IDUA: variants seen among roughly 807,000 people sequenced by gnomAD.
IDUA encodes the protein iduronidase alpha-L-.
IDUA carries 65 observed loss-of-function variants against 68.9 expected under a neutral mutation model. The ratio of observed to expected loss-of-function variants is 0.94; its 90% CI spans 0.77 to 1.16. The LOEUF is 1.16. IDUA is among the 50% of genes most tolerant of loss of function. The pLI is 0.00. For synonymous variants in IDUA, 529 were observed against 433.6 expected (o/e 1.22, Z -2.73); for missense variants, 1,046 against 938.0 (o/e 1.12, Z -1.50).
intron 2 of IDUA, chr4:989,998 C>A: frequency 6.4e-7 from 1 of 1,567,542 alleles, no homozygotes; most frequent in Non-Finnish European, 8.6e-7. Context: ...CGAGCCAAAG[C>A]GCTTGTGGAG....
intron 2 of IDUA, chr4:991,373 T>G: frequency 6.2e-7 from 1 of 1,612,494 alleles, no homozygotes; most frequent in Non-Finnish European, 8.5e-7. Flanking sequence ...AGGAAGTAGA[T>G]GAGGTTGGCG....
At chr4:990,953 C>G in intron 2 of IDUA, 1 of 635,884 alleles carries the variant, frequency 1.6e-6, no homozygotes, top group Non-Finnish European at 2.6e-6. Context: ...CTCTCCGCGT[C>G]GGTGCCTCGC....
At chr4:989,211 C>T (rs1349632588) in intron 2 of IDUA, 5 of 1,609,972 alleles carry the variant, frequency 3.1e-6, no homozygotes, top group Non-Finnish European at 3.4e-6. Context: ...TCTCTGAGCC[C>T]CCCTCCTTCC....
At chr4:1,000,814 G>C in intron 3 of IDUA, 68 bp from the exon 4 acceptor site, 1 of 1,516,830 alleles carries the variant, frequency 6.6e-7, no homozygotes, top group Non-Finnish European at 9.2e-7. Context: ...CTTGGTGCCG[G>C]AGCACAGGCC....
At chr4:1,001,366 C>A in intron 4 of IDUA, 102 bp from the exon 5 acceptor site, 1 of 968,340 alleles carries the variant, frequency 1.0e-6, no homozygotes, top group Non-Finnish European at 1.7e-6. Context: ...AGATGGGGTT[C>A]ATCTTGAGTC....
At chr4:995,763 G>A (rs1006625830) in intron 2 of IDUA, among the ~76,000 whole-genome samples, 1 of 152,242 alleles carries the variant, frequency 6.6e-6, no homozygotes. Context: ...ACCTCCTTGT[G>A]GAAGCCGTCT....
chr4:995,752 TAC>T (rs2153020081), intron 2 of IDUA, among the ~76,000 whole-genome samples: 1 of 152,294 alleles, frequency 6.6e-6, no homozygotes, highest in Admixed American at 6.5e-5. Flanking sequence ...CCACCAAAGG[TAC>T]CTCCTTGTGG....
Position 1,003,163 on chromosome 4 carries a change from T to C in IDUA, c.1524+6T>C. The C allele has an allele frequency of 9.5e-7, 1 of 1,056,696 alleles. No individual in the cohort carries two copies. The highest frequency in any genetic ancestry group is 2.3e-5 in the South Asian group (1 of 43,604). The allele number at this position is 1,056,696 out of a possible 1,614,324, so 65.5% of individuals were successfully genotyped here. A position where few individuals can be genotyped will look rare whatever the true frequency, so the allele number is the denominator to read the frequency against. On this transcript the variant is annotated splice_donor_region_variant and intron_variant, in intron 10 of 13. Coordinates refer to ENST00000514224, the MANE Select transcript of IDUA (RefSeq NM_000203.5). ...GGCGCATGCGCGCGGCTGAGGTAGG[T>C]GGGCCGCGGAGGGGCGAGGGGCCGG...
At chr4:991,688 CAG>C in intron 2 of IDUA, 5 of 1,534,374 alleles carry the variant, frequency 3.3e-6, no homozygotes, top group South Asian at 2.5e-5. Flanking sequence ...TGCAGAGGCT[CAG>C]GGGACTCGTC....
rs144567476 is a variant in IDUA at position 989,070 on chromosome 4, G to A, written c.299+1121G>A. ...CCTGCAGCGTGCTCACACCGGCTGC[G>A]TCTAGGAACAGCAGCGGGGCGCAGT... On this transcript the variant is annotated intron_variant, in intron 2 of 13. Coordinates refer to ENST00000514224, the MANE Select transcript of IDUA (RefSeq NM_000203.5). 2.9e-5 allele frequency: 46 copies of A among 1,591,096 alleles called. 1 individual carries two copies. In the Admixed American group the frequency reaches 4.9e-4, roughly 17 times the overall value.
At chr4:998,284 T>C (rs1303589686) in intron 2 of IDUA, among the ~76,000 whole-genome samples, 2 of 152,180 alleles carry the variant, frequency 1.3e-5, no homozygotes, top group Non-Finnish European at 2.9e-5. Context: ...GGCTCTGCCT[T>C]GATCTTGTAC....
At chr4:995,338 C>T (rs1298827777) in intron 2 of IDUA, among the ~76,000 whole-genome samples, 1 of 151,350 alleles carries the variant, frequency 6.6e-6, no homozygotes, top group Non-Finnish European at 1.5e-5. Flanking sequence ...CCACCGTGCC[C>T]GGCCAGTTCT....
intron 2 of IDUA, chr4:989,957 T>G: frequency 6.4e-7 from 1 of 1,555,902 alleles, no homozygotes; most frequent in Non-Finnish European, 8.7e-7. Flanking sequence ...TGAGGGGGCA[T>G]GAAACCCGTG....
At chr4:999,271 C>T (rs73792065) in intron 2 of IDUA, among the ~76,000 whole-genome samples, 4,474 of 152,148 alleles carry the variant, frequency 0.029, 211 homozygotes, top group African/African-American at 0.093. Flanking sequence ...GAAAGGGATC[C>T]TTGTTTCGCT....
intron 2 of IDUA, chr4:990,951 G>A (rs971737906): frequency 2.7e-5 from 17 of 627,656 alleles, no homozygotes; most frequent in East Asian, 2.1e-4. Flanking sequence ...GCCTCTCCGC[G>A]TCGGTGCCTC....
chr4:987,743 T>C lies in IDUA; in HGVS notation c.159-66T>C. ...GCCCGGGCAGTCCTGGGCTTGAACG[T>C]GTGTGTCAGCCGCGCTGCCAGCCAT... On this transcript the variant is annotated intron_variant, in intron 1 of 13. Coordinates refer to ENST00000514224, the MANE Select transcript of IDUA (RefSeq NM_000203.5). 5.6e-6 allele frequency: 9 copies of C among 1,604,818 alleles called. No individual in the cohort carries two copies. The East Asian group carries it at 1.8e-4, about 32-fold the overall frequency.
rs759734021 is a variant in IDUA at position 987,061 on chromosome 4, C to G, written c.-24C>G. On this transcript the variant is annotated 5_prime_UTR_variant, in exon 1 of 14. Transcript: ENST00000514224. ...GAACCGGCAGTGCAGCCCGAAGCCC[C>G]GCAGTCCCCGAGCACGCGTGGCCAT... The G allele has an allele frequency of 2.0e-6, 3 of 1,514,014 alleles. No homozygotes were observed. Among genetic ancestry groups the G allele is most frequent in the Non-Finnish European group, 2.6e-6 (3 of 1,139,852 alleles). The allele number at this position is 1,514,014 out of a possible 1,614,324, so 93.8% of individuals were successfully genotyped here. A position where few individuals can be genotyped will look rare whatever the true frequency, so the allele number is the denominator to read the frequency against.
At chr4:990,343 C>A in intron 2 of IDUA, 1 of 1,601,632 alleles carries the variant, frequency 6.2e-7, no homozygotes, top group Non-Finnish European at 8.5e-7. Flanking sequence ...GAAGCCCAGC[C>A]GGAGGACGCC....
At position 1,001,572 on chromosome 4, in the gene IDUA, CGCTTCCTGGGGTCCTGCCCG is replaced by C; in HGVS notation, c.589+13_589+32del. ...CTCCATGACCATGCAAGGTGTGCAC[CGCTTCCTGGGGTCCTGCCCG>C]GCTGAAAGGGGGCAGAGGAAGGCAG... On this transcript the variant is annotated intron_variant, in intron 5 of 13. Transcript: ENST00000514224. The C allele has an allele frequency of 6.2e-7, 1 of 1,612,752 alleles. No homozygotes were observed. The highest frequency in any genetic ancestry group is 8.5e-7 in the Non-Finnish European group (1 of 1,179,636).
Sources: allele counts gnomAD v4.1 joint callset (sites outside exome capture counted in the v4.1 genomes callset), GRCh38; gene constraint gnomAD v4.1.1; transcripts MANE v1.5; gene names NCBI Gene and HGNC (gene_info 2026-07-23, HGNC 2026-07-21).